Variants in PPP2R3A observed in about 807,000 individuals in gnomAD.
The protein encoded by PPP2R3A is serine/threonine-protein phosphatase 2A regulatory subunit B'' subunit alpha.
In PPP2R3A, 80 loss-of-function variants were observed where a neutral mutation model predicts 106.9. The ratio of observed to expected loss-of-function variants is 0.75; its 90% CI spans 0.62 to 0.90. The LOEUF is 0.90. PPP2R3A is among the 40% of genes least tolerant of loss of function. The pLI, the probability that PPP2R3A is intolerant of heterozygous loss-of-function variation, is 0.00. For missense variants in PPP2R3A, 1,386 were observed against 1,350.4 expected (o/e 1.03, Z -0.41); for synonymous variants, 483 against 468.3 (o/e 1.03, Z -0.41).
At chr3:136,011,256 T>C (rs150076890) in intron 2 of PPP2R3A, among the ~76,000 whole-genome samples, 133 of 152,214 alleles carry the variant, frequency 8.7e-4, no homozygotes, top group African/African-American at 3.1e-3. Context: ...CCCCCTGATA[T>C]ATTATTTCAA....
chr3:135,971,575 G>A (rs1937247888), intron 1 of PPP2R3A, among the ~76,000 whole-genome samples: 1 of 152,202 alleles, frequency 6.6e-6, no homozygotes. Context: ...AAACCTCATT[G>A]CTATACTCTT....
intron 13 of PPP2R3A, among the ~76,000 whole-genome samples, chr3:136,138,178 ATGTTT>A (rs1007080313): frequency 2.0e-5 from 3 of 152,150 alleles, no homozygotes; most frequent in Non-Finnish European, 4.4e-5. Context: ...CCTGAAGTTA[ATGTTT>A]TATTTTTTTC....
At chr3:135,969,930 A>G (rs1937196920) in intron 1 of PPP2R3A, among the ~76,000 whole-genome samples, 1 of 152,224 alleles carries the variant, frequency 6.6e-6, no homozygotes, top group Admixed American at 6.5e-5. Flanking sequence ...CCCTAAAATT[A>G]TGCCTGGCCC....
At chr3:136,016,599 A>G (rs1035445447) in intron 2 of PPP2R3A, among the ~76,000 whole-genome samples, 17 of 152,068 alleles carry the variant, frequency 1.1e-4, no homozygotes, top group African/African-American at 4.1e-4. Context: ...TTGTCGCTTT[A>G]AAGTCTGTTT....
At chr3:136,082,130 C>T in intron 7 of PPP2R3A, 135 bp from the exon 8 acceptor site, 1 of 643,442 alleles carries the variant, frequency 1.6e-6, no homozygotes. Context: ...GATGAGGTTG[C>T]CTATTAAAGG....
rs117948303 is a variant in PPP2R3A, at chr3:135,990,145, C to T, written c.-440-10914C>T. ...ATCCAAACTGCCTTGAAGGCGGGTC[C>T]GGGCACCACCCCAGCTTACTGCCAT... On this transcript the variant is annotated intron_variant, in intron 1 of 13. Coordinates refer to ENST00000264977, the MANE Select transcript of PPP2R3A (RefSeq NM_002718.5). 7.2e-5 allele frequency among the ~76,000 whole-genome samples: 11 copies of T among 152,206 alleles called. No individual in the cohort carries two copies. In the East Asian group the frequency reaches 1.7e-3, roughly 24 times the overall value.
At chr3:135,967,880 A>G (rs1004038598) in intron 1 of PPP2R3A, among the ~76,000 whole-genome samples, 7 of 152,184 alleles carry the variant, frequency 4.6e-5, no homozygotes, top group African/African-American at 1.7e-4. Context: ...GAGGGCTATC[A>G]TGTGCAGCGT....
intron 13 of PPP2R3A, among the ~76,000 whole-genome samples, chr3:136,136,056 A>AT (rs1250470834): frequency 0.026 from 1,228 of 47,144 alleles, 82 homozygotes; most frequent in African/African-American, 0.055. Context: ...AAAAAAAAAA[A>AT]AAAAAAAAAA....
chr3:136,119,207 T>C (rs1306159372), intron 13 of PPP2R3A, among the ~76,000 whole-genome samples: 3 of 152,314 alleles, frequency 2.0e-5, no homozygotes, highest in Admixed American at 2.0e-4. Flanking sequence ...TTACACCTTA[T>C]ACAAAAATTA....
chr3:136,097,453 T>G (rs1372651271), intron 10 of PPP2R3A, among the ~76,000 whole-genome samples: 2 of 152,260 alleles, frequency 1.3e-5, no homozygotes, highest in African/African-American at 2.4e-5. Context: ...AAAGCAGTTA[T>G]GTGCTTTTGG....
At chr3:136,077,662 G>A (rs1936641834) in intron 6 of PPP2R3A, among the ~76,000 whole-genome samples, 1 of 152,122 alleles carries the variant, frequency 6.6e-6, no homozygotes, top group South Asian at 2.1e-4. Flanking sequence ...CAGGATTGCA[G>A]CTTCCATCTT....
chr3:136,034,283 C>T (rs551945782), intron 3 of PPP2R3A, among the ~76,000 whole-genome samples: 8 of 152,272 alleles, frequency 5.3e-5, no homozygotes, highest in South Asian at 4.1e-4. Context: ...GAACCACCGA[C>T]CTCGGCCTCC....
intron 7 of PPP2R3A, among the ~76,000 whole-genome samples, chr3:136,079,926 G>A (rs940911573): frequency 1.3e-5 from 2 of 151,650 alleles, no homozygotes; most frequent in East Asian, 1.9e-4. Flanking sequence ...CTTCCTCTTC[G>A]TACTTAAACA....
chr3:136,078,074 A>G (rs1376725485), intron 6 of PPP2R3A, among the ~76,000 whole-genome samples: 1 of 152,250 alleles, frequency 6.6e-6, no homozygotes, highest in Non-Finnish European at 1.5e-5. Flanking sequence ...TACTTGAATC[A>G]GGCATCACTG....
intron 6 of PPP2R3A, among the ~76,000 whole-genome samples, chr3:136,074,332 G>C (rs536229363): frequency 6.6e-6 from 1 of 152,290 alleles, no homozygotes; most frequent in South Asian, 2.1e-4. Flanking sequence ...CAGACCATCA[G>C]CTATTTGTAC....
chr3:135,986,170 T>TA (rs1055153132), intron 1 of PPP2R3A, among the ~76,000 whole-genome samples: 5 of 152,078 alleles, frequency 3.3e-5, no homozygotes, highest in Non-Finnish European at 7.4e-5. Flanking sequence ...TCCATTTAAA[T>TA]ATGAAGGTAA....
intron 1 of PPP2R3A, among the ~76,000 whole-genome samples, chr3:135,968,971 G>A (rs1322832991): frequency 2.0e-5 from 3 of 152,104 alleles, no homozygotes; most frequent in African/African-American, 7.2e-5. Context: ...CAGACATTTA[G>A]ATTGTTTCCA....
rs774478896 is a variant in PPP2R3A, at chr3:136,003,173, A to G, written c.1675A>G (p.Lys559Glu). The G allele has an allele frequency of 1.1e-5, 17 of 1,613,692 alleles. No homozygotes were observed. Among genetic ancestry groups the G allele is most frequent in the East Asian group, 2.2e-5 (1 of 44,870 alleles). Residue 559 changes from lysine to glutamate, a missense_variant, in exon 2 of 14, where the codon AAA becomes GAA. Coordinates refer to ENST00000264977, the MANE Select transcript of PPP2R3A (RefSeq NM_002718.5). ...QTLVDLEPKS[K>E]VSSPIEKVSP... is the part of the protein sequence containing the mutation. ...CCTTGTAGATCTTGAGCCTAAATCTAAAGTCTCTTCACCCATAGAAAAAGT... is the reference window on the plus strand; with the variant it reads ...CCTTGTAGATCTTGAGCCTAAATCTGAAGTCTCTTCACCCATAGAAAAAGT...
rs147279275 is a variant in PPP2R3A, at chr3:136,116,439, C to T, written c.3329+10117C>T. Among the ~76,000 whole-genome samples the T allele has an allele frequency of 2.7e-3, 414 of 152,276 alleles. 3 individuals are homozygous for T. The highest frequency in any genetic ancestry group is 0.02 in the Middle Eastern group (6 of 294). ...GGCTAAATGCCCCAGTTAAAAGACA[C>T]AGACTGGCAAATTGGATAGAGTCAA... is the stretch of plus-strand genomic sequence containing the variant. On this transcript the variant is annotated intron_variant, in intron 13 of 13. Transcript: ENST00000264977.
Sources: gnomAD v4.1 joint callset for allele counts (sites outside exome capture counted in the v4.1 genomes callset) on GRCh38, gnomAD v4.1.1 for gene constraint, MANE v1.5 for transcripts, NCBI Gene and HGNC (gene_info 2026-07-23, HGNC 2026-07-21) for gene names.